The following PALS1 variants were observed in gnomAD, a reference collection of about 807,000 sequenced individuals.
PALS1 encodes the protein protein associated with LIN7 1, MAGUK p55 family member.
Under a neutral mutation model 78.9 loss-of-function variants are expected in PALS1, and 31 were observed. That is an observed-to-expected ratio of 0.39 (90% CI 0.30 to 0.53). The LOEUF (loss-of-function observed/expected upper bound fraction) is 0.53. Among genes scored for constraint, PALS1 ranks in the 20% least tolerant of loss-of-function variants. PALS1 has a pLI of 0.67. For missense variants in PALS1, 704 were observed against 826.5 expected, an observed-to-expected ratio of 0.85 and a Z score of 1.82; for synonymous variants, 276 against 270.9, an observed-to-expected ratio of 1.02 and a Z score of -0.18.
chr14:67,263,352 C>T (rs190696492), intron 1 of PALS1, among the ~76,000 whole-genome samples: 2 of 151,878 alleles, frequency 1.3e-5, no homozygotes, highest in African/African-American at 4.8e-5. Flanking sequence ...CCCCTTGTGC[C>T]CTGGGAGTAC....
intron 9 of PALS1, among the ~76,000 whole-genome samples, chr14:67,316,109 A>G (rs1416337825): frequency 6.6e-6 from 1 of 152,224 alleles, no homozygotes; most frequent in Non-Finnish European, 1.5e-5. Context: ...AAATAAAATA[A>G]AAAAGTGGAA....
intron 3 of PALS1, among the ~76,000 whole-genome samples, chr14:67,287,963 G>A (rs1191849349): frequency 1.3e-5 from 2 of 152,184 alleles, no homozygotes; most frequent in Non-Finnish European, 1.5e-5. Context: ...AGGTTGAAGA[G>A]ACCCAGTAGG....
chr14:67,260,840 A>G (rs2084224501), intron 1 of PALS1, among the ~76,000 whole-genome samples: 1 of 152,196 alleles, frequency 6.6e-6, no homozygotes, highest in African/African-American at 2.4e-5. Context: ...TGCAGGGCTC[A>G]TATGGGAAAC....
chr14:67,291,663 C>T (rs1468541398), intron 3 of PALS1, among the ~76,000 whole-genome samples: 2 of 152,196 alleles, frequency 1.3e-5, no homozygotes, highest in Non-Finnish European at 2.9e-5. Flanking sequence ...CAGGCAGACA[C>T]AATGCACATA....
In PALS1 at chr14:67,301,400, T is replaced by A; in HGVS notation, c.588T>A (p.Val196=). 1 of 1,609,474 alleles carries A rather than the reference T, an allele frequency of 6.2e-7. No homozygotes were observed. The highest frequency in any genetic ancestry group is 8.5e-7 in the Non-Finnish European group (1 of 1,177,248). ...TTTTTGTTTCTTAGGTACAAACTGTTTTGAAGCCAGTTCATCATAAGGAAG... is the reference window on the plus strand; with the variant it reads ...TTTTTGTTTCTTAGGTACAAACTGTATTGAAGCCAGTTCATCATAAGGAAG... ...AQDLAQEVQT[V]LKPVHHKEGQ... Residue 196 remains valine, a synonymous_variant, in exon 5 of 15, where the codon GTT becomes GTA. Coordinates refer to ENST00000261681, the MANE Select transcript of PALS1 (RefSeq NM_022474.4).
intron 4 of PALS1, among the ~76,000 whole-genome samples, chr14:67,301,132 G>A (rs1259279445): frequency 6.6e-6 from 1 of 151,838 alleles, no homozygotes; most frequent in East Asian, 1.9e-4. Context: ...TGGTATGTTG[G>A]GTGAAACGTT....
At chr14:67,243,578 T>C (rs2083938708) in intron 1 of PALS1, among the ~76,000 whole-genome samples, 1 of 148,624 alleles carries the variant, frequency 6.7e-6, no homozygotes, top group South Asian at 2.2e-4. Context: ...CTGCAAGCTC[T>C]GCCTCCCGGG....
At chr14:67,323,659 A>T in intron 13 of PALS1, 43 bp from the exon 14 acceptor site, 1 of 791,986 alleles carries the variant, frequency 1.3e-6, no homozygotes, top group Non-Finnish European at 2.0e-6. Context: ...GGAAGTAATT[A>T]AATGATGCAA....
At chr14:67,275,634 A>G (rs1342171805) in intron 2 of PALS1, among the ~76,000 whole-genome samples, 1 of 152,164 alleles carries the variant, frequency 6.6e-6, no homozygotes, top group Non-Finnish European at 1.5e-5. Context: ...TGCTGGCCTC[A>G]TAAAATGAGT....
intron 1 of PALS1, among the ~76,000 whole-genome samples, chr14:67,255,885 C>T (rs1386141274): frequency 6.6e-6 from 1 of 152,184 alleles, no homozygotes; most frequent in Non-Finnish European, 1.5e-5. Context: ...CGGGGTTTCA[C>T]CATGTTGGCC....
At chr14:67,296,688 A>G (rs1224038326) in intron 4 of PALS1, among the ~76,000 whole-genome samples, 1 of 151,878 alleles carries the variant, frequency 6.6e-6, no homozygotes, top group Non-Finnish European at 1.5e-5. Context: ...TAAATATTTT[A>G]AATATTTTAA....
intron 2 of PALS1, among the ~76,000 whole-genome samples, chr14:67,273,197 A>G (rs1474997703): frequency 1.3e-5 from 2 of 150,912 alleles, no homozygotes; most frequent in Admixed American, 6.6e-5. Flanking sequence ...TGCATGTGCC[A>G]TGTTGGTGTG....
intron 1 of PALS1, among the ~76,000 whole-genome samples, chr14:67,269,427 T>C (rs538737077): frequency 1.3e-5 from 2 of 152,258 alleles, no homozygotes; most frequent in African/African-American, 4.8e-5. Flanking sequence ...TGTTTAGCCT[T>C]TTGAGGAATT....
At chr14:67,255,110 C>T (rs943510709) in intron 1 of PALS1, among the ~76,000 whole-genome samples, 9 of 152,018 alleles carry the variant, frequency 5.9e-5, no homozygotes, top group African/African-American at 1.7e-4. Flanking sequence ...GATTGTGCCA[C>T]TGCACTCCAG....
At chr14:67,324,867 G>C (rs1490593640) in intron 14 of PALS1, among the ~76,000 whole-genome samples, 3 of 149,266 alleles carry the variant, frequency 2.0e-5, no homozygotes, top group Non-Finnish European at 4.4e-5. Flanking sequence ...TGGATTGCAG[G>C]TGTAAGCTAC....
chr14:67,312,354 G>A (rs1045361117), intron 8 of PALS1, among the ~76,000 whole-genome samples, 173 bp from the exon 9 acceptor site: 2 of 152,156 alleles, frequency 1.3e-5, no homozygotes, highest in Non-Finnish European at 2.9e-5. Context: ...GAGGGAGAAG[G>A]ATCGCTTGAG....
At chr14:67,265,132 G>A (rs1414451736) in intron 1 of PALS1, among the ~76,000 whole-genome samples, 4 of 152,152 alleles carry the variant, frequency 2.6e-5, no homozygotes, top group Admixed American at 1.3e-4. Context: ...TATGAAAATA[G>A]CAGTTGTTTC....
intron 1 of PALS1, among the ~76,000 whole-genome samples, chr14:67,267,792 T>A (rs1320979978): frequency 6.6e-6 from 1 of 152,210 alleles, no homozygotes; most frequent in Non-Finnish European, 1.5e-5. Flanking sequence ...AAACTGCTTT[T>A]TGTAATAGCA....
intron 1 of PALS1, chr14:67,254,402 A>G (rs1376175027): frequency 1.3e-5 from 2 of 152,160 alleles, no homozygotes; most frequent in African/African-American, 4.8e-5. Flanking sequence ...TTATAAGAAT[A>G]TCCTCATATG....
Sources: allele counts gnomAD v4.1 joint callset (sites outside exome capture counted in the v4.1 genomes callset), GRCh38; gene constraint gnomAD v4.1.1; transcripts MANE v1.5; gene names NCBI Gene and HGNC (gene_info 2026-07-23, HGNC 2026-07-21).